The following ADGRL2 variants were observed in gnomAD, a reference collection of about 807,000 sequenced individuals.
ADGRL2 encodes adhesion G protein-coupled receptor L2, also known as calcium-independent alpha-latrotoxin receptor 2.
ADGRL2 carries 44 observed loss-of-function variants against 157.4 expected under a neutral mutation model. The ratio of observed to expected loss-of-function variants is 0.28; its 90% confidence interval spans 0.22 to 0.36. ADGRL2 has a LOEUF of 0.36. ADGRL2 is among the 10% of genes least tolerant of loss of function. ADGRL2 has a pLI of 1.00. For synonymous variants in ADGRL2, 585 were observed against 624.7 expected (o/e 0.94, Z 0.95); for missense variants, 1,510 against 1,768.9 (o/e 0.85, Z 2.63).
At chr1:81,582,203 G>A (rs935520867) in intron 3 of ADGRL2, among the ~76,000 whole-genome samples, 3 of 152,076 alleles carry the variant, frequency 2.0e-5, no homozygotes, top group Non-Finnish European at 4.4e-5. Flanking sequence ...CTGGGAGACA[G>A]AGTGAGACTC....
chr1:81,314,878 A>G (rs1462618463), intron 1 of ADGRL2, among the ~76,000 whole-genome samples: 1 of 152,214 alleles, frequency 6.6e-6, no homozygotes, highest in Non-Finnish European at 1.5e-5. Flanking sequence ...CCTGAATGCC[A>G]TAAAATGCTG....
chr1:81,861,611 A>G (rs950603016), intron 2 of ADGRL2, among the ~76,000 whole-genome samples: 1 of 152,192 alleles, frequency 6.6e-6, no homozygotes, highest in African/African-American at 2.4e-5. Context: ...CACATGGGCC[A>G]TGCACAGTGG....
chr1:81,479,366 C>G (rs2078338368), intron 2 of ADGRL2, among the ~76,000 whole-genome samples: 1 of 151,722 alleles, frequency 6.6e-6, no homozygotes, highest in Non-Finnish European at 1.5e-5. Context: ...ACCTGTAATC[C>G]CAGCTGCTCG....
chr1:81,741,340 T>G (rs955234587), intron 1 of ADGRL2, among the ~76,000 whole-genome samples: 1 of 152,094 alleles, frequency 6.6e-6, no homozygotes, highest in African/African-American at 2.4e-5. Flanking sequence ...CAGTATATTT[T>G]ACATTTTTAG....
At chr1:81,969,488 T>C (rs557625298) in intron 15 of ADGRL2, 101 bp downstream of exon 15, 1 of 709,586 alleles carries the variant, frequency 1.4e-6, no homozygotes, top group South Asian at 1.8e-5. Context: ...CCTTGTAACT[T>C]GATAGAATTG....
chr1:81,325,386 T>C (rs1660825172), intron 1 of ADGRL2, among the ~76,000 whole-genome samples: 1 of 152,182 alleles, frequency 6.6e-6, no homozygotes, highest in Admixed American at 6.5e-5. Flanking sequence ...TTCAACACTA[T>C]TGTGTTGAAT....
intron 3 of ADGRL2, among the ~76,000 whole-genome samples, chr1:81,683,357 C>T (rs1168966584): frequency 6.6e-6 from 1 of 152,002 alleles, no homozygotes; most frequent in Non-Finnish European, 1.5e-5. Context: ...TGAGTAAGTT[C>T]TTTAGTGGTG....
At chr1:81,329,060 T>C (rs1661094984) in intron 1 of ADGRL2, among the ~76,000 whole-genome samples, 1 of 149,366 alleles carries the variant, frequency 6.7e-6, no homozygotes. Flanking sequence ...ATTAGTGGAT[T>C]CTTCCCTGAT....
intron 1 of ADGRL2, among the ~76,000 whole-genome samples, chr1:81,716,643 G>C (rs536331978): frequency 2.6e-5 from 4 of 152,140 alleles, no homozygotes; most frequent in African/African-American, 9.6e-5. Context: ...ATATAAAAGA[G>C]CTATACACCA....
In ADGRL2 at chr1:81,836,834, T is replaced by G; in HGVS notation, c.-100-51T>G. On this transcript the variant is annotated intron_variant, in intron 1 of 23. Coordinates refer to ENST00000686636, the MANE Select transcript of ADGRL2 (RefSeq NM_001366006.2). ...AGAGGAACGGAGAGAGAGAATTGTT[T>G]TGTTATGTAGAAAGACCATAGAGTA... 9.8e-6 allele frequency: 5 copies of G among 508,674 alleles called. No individual in the cohort carries two copies. The South Asian group carries it at 1.6e-4, about 17-fold the overall frequency. 31.5% of individuals were successfully genotyped at this position (508,674 alleles called of 1,614,324 possible). A position where few individuals can be genotyped will look rare whatever the true frequency, so the allele number is the denominator to read the frequency against.
At chr1:81,957,605 G>A (rs1653950472) in intron 11 of ADGRL2, among the ~76,000 whole-genome samples, 1 of 152,156 alleles carries the variant, frequency 6.6e-6, no homozygotes, top group Non-Finnish European at 1.5e-5. Context: ...CTACTGGGGA[G>A]GCTGAGGCGG....
At chr1:81,581,874 G>GCGCGCACA (rs1491219557) in intron 3 of ADGRL2, among the ~76,000 whole-genome samples, 22 of 83,450 alleles carry the variant, frequency 2.6e-4, no homozygotes, top group Admixed American at 1.8e-3. Flanking sequence ...ACACATGCGC[G>GCGCGCACA]CACACACACA....
chr1:81,503,676 G>A (rs1570307499), intron 2 of ADGRL2, among the ~76,000 whole-genome samples: 2 of 152,188 alleles, frequency 1.3e-5, no homozygotes, highest in South Asian at 4.1e-4. Context: ...AGGACAGACA[G>A]CGTTGTCCAA....
intron 3 of ADGRL2, among the ~76,000 whole-genome samples, chr1:81,611,641 T>C (rs1473190472): frequency 2.0e-5 from 3 of 152,182 alleles, no homozygotes; most frequent in Admixed American, 6.5e-5. Flanking sequence ...ACATTATCTC[T>C]TAGCTAACAA....
intron 3 of ADGRL2, among the ~76,000 whole-genome samples, chr1:81,673,847 C>T (rs1461855080): frequency 1.3e-5 from 2 of 152,118 alleles, no homozygotes; most frequent in African/African-American, 4.8e-5. Context: ...TTTCCCATAG[C>T]AGTCTAACCA....
intron 1 of ADGRL2, among the ~76,000 whole-genome samples, chr1:81,428,057 T>A (rs2077250709): frequency 6.6e-6 from 1 of 152,230 alleles, no homozygotes; most frequent in Admixed American, 6.5e-5. Flanking sequence ...GTTTTGAAGG[T>A]GTTTCCTTGT....
intron 2 of ADGRL2, among the ~76,000 whole-genome samples, chr1:81,791,535 T>C (rs959639586): frequency 5.3e-5 from 8 of 151,664 alleles, no homozygotes; most frequent in African/African-American, 1.9e-4. Flanking sequence ...GTAACAAAAT[T>C]GAAATAAAAT....
At chr1:81,573,473 A>T (rs181392225) in intron 2 of ADGRL2, among the ~76,000 whole-genome samples, 8 of 152,206 alleles carry the variant, frequency 5.3e-5, no homozygotes, top group Non-Finnish European at 1.0e-4. Flanking sequence ...TGATCACCAA[A>T]GATTTAAATT....
At chr1:81,552,955 A>T (rs141691488) in intron 2 of ADGRL2, among the ~76,000 whole-genome samples, 30 of 152,346 alleles carry the variant, frequency 2.0e-4, no homozygotes, top group African/African-American at 7.2e-4. Flanking sequence ...ACAAAGACTT[A>T]CATTTCAATT....
Sources: allele counts gnomAD v4.1 joint callset (sites outside exome capture counted in the v4.1 genomes callset), GRCh38; gene constraint gnomAD v4.1.1; transcripts MANE v1.5; gene names NCBI Gene and HGNC (gene_info 2026-07-23, HGNC 2026-07-21).